The following ATL2 variants were observed in gnomAD, a reference collection of about 807,000 sequenced individuals.
The protein encoded by ATL2 is atlastin GTPase 2.
In ATL2, 31 loss-of-function variants were observed where a neutral mutation model predicts 73.9. That is an observed-to-expected ratio of 0.42 (90% CI 0.32 to 0.57). ATL2 has a LOEUF of 0.57. Among genes scored for constraint, ATL2 ranks in the 20% least tolerant of loss-of-function variants. The pLI is 0.14. For missense variants in ATL2, 738 were observed against 702.6 expected (o/e 1.05, Z -0.57); for synonymous variants, 291 against 237.5 (o/e 1.23, Z -2.07).
At chr2:38,305,947 C>T (rs1002622304) in intron 9 of ATL2, among the ~76,000 whole-genome samples, 1 of 151,808 alleles carries the variant, frequency 6.6e-6, no homozygotes, top group Non-Finnish European at 1.5e-5. Context: ...TACAAAAGAT[C>T]AATGAAGCAA....
intron 1 of ATL2, among the ~76,000 whole-genome samples, chr2:38,369,318 C>T (rs1209285788): frequency 6.6e-6 from 1 of 151,966 alleles, no homozygotes; most frequent in African/African-American, 2.4e-5. Flanking sequence ...GGCGTGGTGG[C>T]ACATGCCTGT....
At chr2:38,368,342 T>A (rs1427554801) in intron 1 of ATL2, among the ~76,000 whole-genome samples, 2 of 149,020 alleles carry the variant, frequency 1.3e-5, no homozygotes, top group African/African-American at 4.9e-5. Context: ...AACCTCCACC[T>A]CCCAGGTTCA....
intron 1 of ATL2, among the ~76,000 whole-genome samples, chr2:38,355,974 G>A (rs1281929842): frequency 1.3e-5 from 2 of 151,798 alleles, no homozygotes; most frequent in Admixed American, 6.6e-5. Context: ...TGGGATTACA[G>A]GCATGAGCCA....
At chr2:38,338,433 A>AT (rs1669501430) in intron 2 of ATL2, among the ~76,000 whole-genome samples, 1 of 152,206 alleles carries the variant, frequency 6.6e-6, no homozygotes, top group South Asian at 2.1e-4. Flanking sequence ...AAACCTGCAC[A>AT]TATAGCCCCT....
chr2:38,358,518 G>T, intron 1 of ATL2: 1 of 294,682 alleles, frequency 3.4e-6, no homozygotes, highest in Non-Finnish European at 7.2e-6. Flanking sequence ...GGGAAACCCC[G>T]TCTCTATTAA....
intron 1 of ATL2, among the ~76,000 whole-genome samples, chr2:38,371,851 C>T (rs771150885): frequency 2.0e-5 from 3 of 152,280 alleles, no homozygotes; most frequent in Non-Finnish European, 2.9e-5. Context: ...GAGCCAAGAT[C>T]ACGCCACTGT....
chr2:38,302,634 T>C (rs1231184916), intron 9 of ATL2, among the ~76,000 whole-genome samples: 3 of 152,128 alleles, frequency 2.0e-5, no homozygotes, highest in Non-Finnish European at 4.4e-5. Flanking sequence ...ACTCCATTTG[T>C]TTGGGAGAAT....
At chr2:38,334,867 TATAATATATA>T (rs1669218039) in intron 2 of ATL2, among the ~76,000 whole-genome samples, 1 of 137,208 alleles carries the variant, frequency 7.3e-6, no homozygotes, top group East Asian at 2.0e-4. Flanking sequence ...TTATATATTA[TATAATATATA>T]TTATATAATA....
intron 9 of ATL2, among the ~76,000 whole-genome samples, chr2:38,301,600 T>G (rs576524953): frequency 6.6e-6 from 1 of 152,306 alleles, no homozygotes; most frequent in African/African-American, 2.4e-5. Context: ...GACTGTGGAA[T>G]TTTTGCATTG....
chr2:38,355,883 A>G (rs905006521), intron 1 of ATL2, among the ~76,000 whole-genome samples: 1 of 151,566 alleles, frequency 6.6e-6, no homozygotes, highest in Non-Finnish European at 1.5e-5. Flanking sequence ...TTTAGTAGAG[A>G]CAGGTTTCAC....
At chr2:38,323,546 G>A (rs953652569) in intron 2 of ATL2, among the ~76,000 whole-genome samples, 1 of 151,522 alleles carries the variant, frequency 6.6e-6, no homozygotes, top group African/African-American at 2.4e-5. Flanking sequence ...TACAGCCCTT[G>A]CCAAAAAGAC....
chr2:38,315,647 C>T (rs1667991268), intron 4 of ATL2, among the ~76,000 whole-genome samples: 1 of 151,958 alleles, frequency 6.6e-6, no homozygotes, highest in Non-Finnish European at 1.5e-5. Context: ...TCTCTAAGCT[C>T]TTTAATGTTA....
chr2:38,345,248 G>A (rs1316399385), intron 1 of ATL2, among the ~76,000 whole-genome samples: 1 of 152,158 alleles, frequency 6.6e-6, no homozygotes, highest in Non-Finnish European at 1.5e-5. Context: ...ATCAATGACT[G>A]TCCTACTCTG....
At position 38,336,795 on chromosome 2, in the gene ATL2, T is replaced by C. The variant is rs145491647; in HGVS notation, c.363+6473A>G. On this transcript the variant is annotated intron_variant, in intron 2 of 12. Transcript: ENST00000378954. ...TATTTCTGAATACTAAGTAAGATAA[T>C]GCCTGCTAAATGCTTAGTAATCAAA... Among the ~76,000 whole-genome samples, 857 of 152,318 alleles carry C rather than the reference T, an allele frequency of 5.6e-3. 4 individuals are homozygous for C. Among genetic ancestry groups the C allele is most frequent in the Non-Finnish European group, 9.7e-3 (658 of 68,032 alleles).
intron 1 of ATL2, among the ~76,000 whole-genome samples, chr2:38,367,183 A>C (rs528222369): frequency 6.6e-6 from 1 of 152,154 alleles, no homozygotes; most frequent in South Asian, 2.1e-4. Flanking sequence ...TAAGAAACTA[A>C]AACTTATTTG....
chr2:38,355,202 C>G (rs992989706), intron 1 of ATL2, among the ~76,000 whole-genome samples: 1 of 152,152 alleles, frequency 6.6e-6, no homozygotes, highest in South Asian at 2.1e-4. Flanking sequence ...TCTCAGCTCA[C>G]TACAACCTCC....
At chr2:38,299,144 T>A in intron 11 of ATL2, 112 bp downstream of exon 11, 1 of 962,862 alleles carries the variant, frequency 1.0e-6, no homozygotes, top group Non-Finnish European at 1.4e-6. Context: ...GGGAATAATG[T>A]ACCATAAGCT....
intron 1 of ATL2, among the ~76,000 whole-genome samples, chr2:38,359,885 T>C (rs1321766088): frequency 6.6e-6 from 1 of 152,026 alleles, no homozygotes; most frequent in Non-Finnish European, 1.5e-5. Flanking sequence ...CCTAGCCCTT[T>C]GGGAGGCCGA....
Position 38,311,347 on chromosome 2 carries a change from A to T in ATL2, c.805-900T>A, listed in dbSNP as rs935151175. 5.4e-5 allele frequency among the ~76,000 whole-genome samples: 7 copies of T among 129,952 alleles called. 1 individual carries two copies. The highest frequency in any genetic ancestry group is 3.1e-4 in the Admixed American group (4 of 12,964). The allele number at this position is 129,952 out of a possible 152,430, so 85.3% of individuals were successfully genotyped here. On this transcript the variant is annotated intron_variant, in intron 7 of 12. Coordinates refer to ENST00000378954, the MANE Select transcript of ATL2 (RefSeq NM_001135673.4). ...AAAATCTTAAACTTAGAAACATTTT[A>T]GATAATTACTCATTTATCCCAATAT...
Sources: allele counts gnomAD v4.1 joint callset (sites outside exome capture counted in the v4.1 genomes callset), GRCh38; gene constraint gnomAD v4.1.1; transcripts MANE v1.5; gene names NCBI Gene and HGNC (gene_info 2026-07-23, HGNC 2026-07-21).